NFE2L2: variants seen among roughly 807,000 people sequenced by gnomAD.
NFE2L2 encodes NFE2 like bZIP transcription factor 2.
Under a neutral mutation model 49.6 loss-of-function variants are expected in NFE2L2, and 20 were observed. The ratio of observed to expected loss-of-function variants is 0.40; its 90% CI spans 0.28 to 0.59. The LOEUF (loss-of-function observed/expected upper bound fraction) is 0.59, where lower values mean the gene tolerates loss of function less well. Ranked by LOEUF, NFE2L2 falls within the 20% of genes least tolerant of loss-of-function variation. The pLI, the probability that NFE2L2 is intolerant of heterozygous loss-of-function variation, is 0.40. For missense variants in NFE2L2, 578 were observed against 714.2 expected, an observed-to-expected ratio of 0.81 and a Z score of 2.17; for synonymous variants, 244 against 256.5, an observed-to-expected ratio of 0.95 and a Z score of 0.47.
intron 1 of NFE2L2, among the ~76,000 whole-genome samples, chr2:177,235,473 A>G (rs1440395084): frequency 1.3e-5 from 2 of 152,152 alleles, no homozygotes; most frequent in African/African-American, 4.8e-5. Flanking sequence ...CTATGGCTCC[A>G]GGGAAGGATT....
At position 177,240,462 on chromosome 2, in the gene NFE2L2, T is replaced by C. The variant is rs547645441; in HGVS notation, c.46-6191A>G. The stretch of plus-strand genomic sequence containing the variant: ...GGAGCAAATGCCGTCTGCCACTTGG[T>C]GTCTGAATTTTTTTTGCTCTTGTCC... On this transcript the variant is annotated intron_variant, in intron 1 of 4. Coordinates refer to ENST00000397062, the MANE Select transcript of NFE2L2 (RefSeq NM_006164.5). Among the ~76,000 whole-genome samples the C allele has an allele frequency of 4.6e-5, 7 of 152,294 alleles. No individual in the cohort carries two copies. In the South Asian group the frequency reaches 8.3e-4, roughly 18 times the overall value.
chr2:177,253,253 T>C (rs955586912), intron 1 of NFE2L2, among the ~76,000 whole-genome samples: 1 of 152,206 alleles, frequency 6.6e-6, no homozygotes, highest in Non-Finnish European at 1.5e-5. Context: ...TGTCACAGCA[T>C]TGTCATGTAT....
At chr2:177,245,425 A>C (rs1006735801) in intron 1 of NFE2L2, among the ~76,000 whole-genome samples, 2 of 152,186 alleles carry the variant, frequency 1.3e-5, no homozygotes, top group Non-Finnish European at 2.9e-5. Context: ...CAGAGGGAAA[A>C]GATCTTTGCT....
In NFE2L2 at chr2:177,249,217, C is replaced by CATAAATAAATAA. The variant is rs71007982; in HGVS notation, c.46-14958_46-14947dup. Among the ~76,000 whole-genome samples, 821 of 146,038 alleles carry CATAAATAAATAA rather than the reference C, an allele frequency of 5.6e-3. 9 individuals are homozygous for CATAAATAAATAA. Among genetic ancestry groups the CATAAATAAATAA allele is most frequent in the East Asian group, 0.027 (134 of 4,958 alleles). Reference sequence around the variant, plus strand: ...CTAGGCCACAGCAATACCCGGTCTCCATAAATAAATAAATAAATAAATAAA... The same window carrying CATAAATAAATAA: ...CTAGGCCACAGCAATACCCGGTCTCCATAAATAAATAAATAAATAAATAAATAAATAAATAAA... On this transcript the variant is annotated intron_variant, in intron 1 of 4. Transcript: ENST00000397062.
chr2:177,257,664 C>T (rs555039368), intron 1 of NFE2L2, among the ~76,000 whole-genome samples: 13 of 152,318 alleles, frequency 8.5e-5, no homozygotes, highest in African/African-American at 2.9e-4. Context: ...CTGCTGGCTG[C>T]GGAGGGGTCA....
At chr2:177,232,338 C>T (rs1689583757) in intron 4 of NFE2L2, 54 bp downstream of exon 4, 1 of 1,484,172 alleles carries the variant, frequency 6.7e-7, no homozygotes, top group South Asian at 1.2e-5. Flanking sequence ...ATCAGAATGA[C>T]TAAAGGCACT....
At chr2:177,258,424 GT>G (rs1690609851) in intron 1 of NFE2L2, among the ~76,000 whole-genome samples, 1 of 152,158 alleles carries the variant, frequency 6.6e-6, no homozygotes, top group Non-Finnish European at 1.5e-5. Context: ...TAACTGAGTA[GT>G]TACCAGGGGC....
At chr2:177,254,476 A>C (rs36030784) in intron 1 of NFE2L2, among the ~76,000 whole-genome samples, 43,681 of 152,164 alleles carry the variant, frequency 0.29, 6,884 homozygotes, top group Non-Finnish European at 0.37. Context: ...CTAGAAGTCC[A>C]TGCACCACCG....
rs775234549 is a variant in NFE2L2 at position 177,231,617 on chromosome 2, T to C, written c.986A>G (p.Asn329Ser). ...VSDLSLCKAF[N>S]QNHPESTAEF... ...TGCTGTGCTTTCAGGGTGGTTTTGG[T>C]TGAAAGCTTTGCAAAGTGATAGATC... The change falls in exon 5 of 5, where the codon AAC (asparagine) becomes AGC (serine). Residue 329 changes from asparagine to serine, a missense_variant. This residue lies in a region of NFE2L2 where 368 missense variants were observed against 384.6 expected (regional missense o/e 0.96). Coordinates refer to ENST00000397062, the MANE Select transcript of NFE2L2 (RefSeq NM_006164.5). 6.2e-7 allele frequency: 1 copy of C among 1,614,176 alleles called. No individual in the cohort carries two copies. Among genetic ancestry groups the C allele is most frequent in the Non-Finnish European group, 8.5e-7 (1 of 1,180,030 alleles).
chr2:177,260,552 A>C (rs1690696296), intron 1 of NFE2L2, among the ~76,000 whole-genome samples: 1 of 152,206 alleles, frequency 6.6e-6, no homozygotes, highest in Non-Finnish European at 1.5e-5. Context: ...GTGCCAAAAC[A>C]TGAGATTAGG....
chr2:177,232,364 C>A (rs1411951969), intron 4 of NFE2L2, 28 bp downstream of exon 4: 1 of 1,577,946 alleles, frequency 6.3e-7, no homozygotes, highest in Non-Finnish European at 8.6e-7. Context: ...TAAAAAAAAT[C>A]TCCAGTATTA....
At chr2:177,232,827 T>A in intron 3 of NFE2L2, 1 of 517,544 alleles carries the variant, frequency 1.9e-6, no homozygotes, top group African/African-American at 1.9e-5. Context: ...GTAAGTACAA[T>A]CTTTAGGATT....
chr2:177,255,283 C>T (rs1690477449), intron 1 of NFE2L2, among the ~76,000 whole-genome samples: 1 of 152,186 alleles, frequency 6.6e-6, no homozygotes, highest in Non-Finnish European at 1.5e-5. Flanking sequence ...ATTCCCCCTC[C>T]TTCCTGATCC....
At chr2:177,262,828 T>C (rs1558994317) in intron 1 of NFE2L2, among the ~76,000 whole-genome samples, 1 of 152,238 alleles carries the variant, frequency 6.6e-6, no homozygotes. Flanking sequence ...AGCATTCCTA[T>C]AGATAACTCT....
At chr2:177,245,255 G>C (rs928653988) in intron 1 of NFE2L2, among the ~76,000 whole-genome samples, 1 of 151,990 alleles carries the variant, frequency 6.6e-6, no homozygotes, top group South Asian at 2.1e-4. Context: ...CGCTACAACT[G>C]GAAGGGACCA....
chr2:177,254,568 G>A (rs10497511), intron 1 of NFE2L2, among the ~76,000 whole-genome samples: 134,584 of 152,174 alleles, frequency 0.88, 59,664 homozygotes, highest in African/African-American at 0.93. Context: ...GCTTGTCACA[G>A]CGATCCGTGG....
chr2:177,263,684 C>T, intron 1 of NFE2L2: 1 of 985,532 alleles, frequency 1.0e-6, no homozygotes, highest in Non-Finnish European at 1.2e-6. Context: ...AACTAGAAGC[C>T]CCGGGTGCCG....
chr2:177,231,669 G>A lies in NFE2L2; in HGVS notation c.934C>T (p.Leu312Phe), dbSNP rs1416793394. Residue 312 changes from leucine to phenylalanine, a missense_variant, in exon 5 of 5, where the codon CTT becomes TTT. Leu to Phe is a conservative substitution (Grantham distance 22). This residue lies in a region of NFE2L2 where 368 missense variants were observed against 384.6 expected (regional missense o/e 0.96). Coordinates refer to ENST00000397062, the MANE Select transcript of NFE2L2 (RefSeq NM_006164.5). ...GAAACATCAATGGGCCCATTTAGAAGTTCAGAGAGTGAATGGCTTAAAGTA... is the reference window on the plus strand; with the variant it reads ...GAAACATCAATGGGCCCATTTAGAAATTCAGAGAGTGAATGGCTTAAAGTA... ...PATLSHSLSE[L>F]LNGPIDVSDL... 13 of 1,614,070 alleles carry A rather than the reference G, an allele frequency of 8.1e-6. No homozygotes were observed. The highest frequency in any genetic ancestry group is 1.7e-5 in the Admixed American group (1 of 60,010).
At chr2:177,239,624 C>G (rs986684609) in intron 1 of NFE2L2, among the ~76,000 whole-genome samples, 2 of 152,132 alleles carry the variant, frequency 1.3e-5, no homozygotes, top group Non-Finnish European at 2.9e-5. Context: ...CTGCAGTGAG[C>G]CAAGATCGTG....
Sources: allele counts gnomAD v4.1 joint callset (sites outside exome capture counted in the v4.1 genomes callset), GRCh38; gene constraint gnomAD v4.1.1; regional missense constraint gnomAD v4.1.1; transcripts MANE v1.5; gene names NCBI Gene and HGNC (gene_info 2026-07-23, HGNC 2026-07-21).